CACNA2D3: variants seen among roughly 807,000 people sequenced by gnomAD.
CACNA2D3 encodes calcium voltage-gated channel auxiliary subunit alpha2delta 3.
In CACNA2D3, 60 loss-of-function variants were observed where a neutral mutation model predicts 160.6. That is an observed-to-expected ratio of 0.37 (90% CI 0.30 to 0.46). The LOEUF (loss-of-function observed/expected upper bound fraction) is 0.46, where lower values mean the gene tolerates loss of function less well. Ranked by LOEUF, CACNA2D3 falls within the 20% of genes least tolerant of loss-of-function variation. The pLI, the probability that CACNA2D3 is intolerant of heterozygous loss-of-function variation, is 1.00. For synonymous variants in CACNA2D3, 558 were observed against 492.9 expected (o/e 1.13, Z -1.75); for missense variants, 1,205 against 1,365.0 (o/e 0.88, Z 1.85).
intron 27 of CACNA2D3, chr3:54,967,119 G>C (rs1197181940): frequency 6.6e-6 from 1 of 152,220 alleles, no homozygotes; most frequent in African/African-American, 2.4e-5. Context: ...GCCGTGCACT[G>C]CTCTAGTCTT....
intron 2 of CACNA2D3, among the ~76,000 whole-genome samples, chr3:54,312,804 C>T (rs1056263323): frequency 6.6e-6 from 1 of 152,136 alleles, no homozygotes; most frequent in Non-Finnish European, 1.5e-5. Flanking sequence ...GCTTGCCTTT[C>T]TTCCATGTCA....
intron 32 of CACNA2D3, among the ~76,000 whole-genome samples, chr3:55,006,069 C>T (rs996991731): frequency 7.9e-5 from 12 of 152,120 alleles, no homozygotes; most frequent in Non-Finnish European, 1.6e-4. Context: ...TTGAAAAATA[C>T]AGCTTTTTAG....
At chr3:54,850,369 C>A (rs1253916246) in intron 17 of CACNA2D3, among the ~76,000 whole-genome samples, 1 of 152,154 alleles carries the variant, frequency 6.6e-6, no homozygotes, top group Non-Finnish European at 1.5e-5. Context: ...TTGAGAAATG[C>A]TTTTTGAGTT....
intron 3 of CACNA2D3, among the ~76,000 whole-genome samples, chr3:54,350,968 G>GTCTTTTTT (rs1698542910): frequency 1.8e-5 from 1 of 56,106 alleles, no homozygotes. Flanking sequence ...TCTTGAGTCT[G>GTCTTTTTT]TTTTTTTTTT....
intron 10 of CACNA2D3, chr3:54,632,381 T>C (rs745995695): frequency 6.6e-6 from 1 of 152,236 alleles, no homozygotes; most frequent in Non-Finnish European, 1.5e-5. Context: ...TCTGTTTTTT[T>C]CCCCTTGAAG....
rs116555815 is a variant in CACNA2D3, at chr3:54,495,840, G to A, written c.382-7652G>A. 4.8e-3 allele frequency among the ~76,000 whole-genome samples: 732 copies of A among 152,286 alleles called. 1 individual carries two copies. The highest frequency in any genetic ancestry group is 0.017 in the African/African-American group (711 of 41,568). ...TAGTTGACTCTCACTCTCCCTCTGA[G>A]AAGCAACTCCTGAGTGCCATCACTA... On this transcript the variant is annotated intron_variant, in intron 4 of 37. Coordinates refer to ENST00000474759, the MANE Select transcript of CACNA2D3 (RefSeq NM_018398.3).
chr3:54,362,192 T>C (rs1354716127), intron 3 of CACNA2D3, among the ~76,000 whole-genome samples: 1 of 152,174 alleles, frequency 6.6e-6, no homozygotes, highest in Non-Finnish European at 1.5e-5. Flanking sequence ...CTGCTCACTG[T>C]CTCACAAGGC....
At chr3:55,029,451 G>A (rs550319705) in intron 35 of CACNA2D3, among the ~76,000 whole-genome samples, 3 of 152,140 alleles carry the variant, frequency 2.0e-5, no homozygotes, top group Non-Finnish European at 2.9e-5. Flanking sequence ...TTTTTATGGA[G>A]CACAGTCCAC....
At chr3:54,247,222 A>G (rs942011758) in intron 2 of CACNA2D3, among the ~76,000 whole-genome samples, 2 of 152,126 alleles carry the variant, frequency 1.3e-5, no homozygotes, top group East Asian at 3.9e-4. Flanking sequence ...AGGCAGGAGA[A>G]TTGCTTGAAC....
Position 54,630,629 on chromosome 3 carries a change from A to G in CACNA2D3, c.1053+2753A>G, listed in dbSNP as rs6793768. On this transcript the variant is annotated intron_variant, in intron 10 of 37. Transcript: ENST00000474759. Reference sequence around the variant, plus strand: ...ATCATACCATCATCTCCGTATTAGCATCTTGTAGAAGTTACAGCTCACCAA... The same window carrying G: ...ATCATACCATCATCTCCGTATTAGCGTCTTGTAGAAGTTACAGCTCACCAA... 9.2e-3 allele frequency among the ~76,000 whole-genome samples: 1,396 copies of G among 152,284 alleles called. 11 individuals are homozygous for G. Among genetic ancestry groups the G allele is most frequent in the Middle Eastern group, 0.044 (13 of 294 alleles).
intron 4 of CACNA2D3, among the ~76,000 whole-genome samples, chr3:54,483,407 C>T (rs149265968): frequency 0.011 from 1,720 of 152,290 alleles, 11 homozygotes; most frequent in Non-Finnish European, 0.019. Flanking sequence ...GTTAAGGTTA[C>T]ATAGAAGGTT....
chr3:54,529,505 G>A (rs1308851945), intron 5 of CACNA2D3, among the ~76,000 whole-genome samples: 1 of 152,202 alleles, frequency 6.6e-6, no homozygotes, highest in Admixed American at 6.5e-5. Context: ...CATCAGCGGG[G>A]TGGACCTGGA....
intron 2 of CACNA2D3, among the ~76,000 whole-genome samples, chr3:54,220,575 C>G (rs1033662751): frequency 1.3e-5 from 2 of 152,124 alleles, no homozygotes; most frequent in African/African-American, 4.8e-5. Flanking sequence ...TCCCAGCAGC[C>G]TCTTCCAGGC....
intron 15 of CACNA2D3, 135 bp from the exon 16 acceptor site, chr3:54,838,433 G>T: frequency 1.4e-6 from 1 of 711,394 alleles, no homozygotes; most frequent in Non-Finnish European, 2.5e-6. Flanking sequence ...ACCATTCTTG[G>T]AGATATGGGT....
At chr3:54,461,872 G>T (rs1009255123) in intron 4 of CACNA2D3, among the ~76,000 whole-genome samples, 2 of 152,076 alleles carry the variant, frequency 1.3e-5, no homozygotes, top group African/African-American at 4.8e-5. Context: ...TGATGTTAGG[G>T]TGTCAATTTT....
At chr3:54,793,401 A>G (rs1702801424) in intron 13 of CACNA2D3, among the ~76,000 whole-genome samples, 1 of 152,242 alleles carries the variant, frequency 6.6e-6, no homozygotes, top group African/African-American at 2.4e-5. Flanking sequence ...AATGCCCAGA[A>G]TTCGTGGCTG....
intron 12 of CACNA2D3, among the ~76,000 whole-genome samples, chr3:54,756,345 C>T (rs1247694380): frequency 6.6e-6 from 1 of 152,224 alleles, no homozygotes; most frequent in African/African-American, 2.4e-5. Context: ...TTCCAGTCAT[C>T]TGTGCCCATA....
chr3:54,128,289 A>G (rs953903181), intron 2 of CACNA2D3, among the ~76,000 whole-genome samples: 5 of 152,222 alleles, frequency 3.3e-5, no homozygotes, highest in African/African-American at 1.2e-4. Flanking sequence ...TGATGAAGAC[A>G]TAGCCATATG....
intron 35 of CACNA2D3, among the ~76,000 whole-genome samples, chr3:55,071,693 C>G (rs1438560329): frequency 6.6e-6 from 1 of 152,060 alleles, no homozygotes; most frequent in African/African-American, 2.4e-5. Context: ...GTTTTTTACT[C>G]ATGTTTCAGT....
Sources: gnomAD v4.1 joint callset for allele counts (sites outside exome capture counted in the v4.1 genomes callset) on GRCh38, gnomAD v4.1.1 for gene constraint, MANE v1.5 for transcripts, NCBI Gene and HGNC (gene_info 2026-07-23, HGNC 2026-07-21) for gene names.